The following SACS variants were observed in gnomAD, a reference collection of about 807,000 sequenced individuals.
SACS encodes the protein sacsin.
A neutral mutation model predicts 348.0 loss-of-function variants in SACS; 197 were observed. The ratio of observed to expected loss-of-function variants is 0.57; its 90% CI spans 0.50 to 0.64. SACS has a LOEUF of 0.64. Among genes scored for constraint, SACS ranks in the 30% least tolerant of loss-of-function variants. SACS has a pLI of 0.00. For synonymous variants in SACS, 1,985 were observed against 1,910.6 expected, an observed-to-expected ratio of 1.04 and a Z score of -1.02; for missense variants, 4,999 against 5,360.8, an observed-to-expected ratio of 0.93 and a Z score of 2.11.
At chr13:23,429,453 C>T (rs927417860) in intron 1 of SACS, among the ~76,000 whole-genome samples, 5 of 147,236 alleles carry the variant, frequency 3.4e-5, no homozygotes, top group African/African-American at 1.3e-4. Context: ...AGCTCCGCCT[C>T]CCGGGTTCAC....
chr13:23,363,627 G>T (rs1212243510), intron 6 of SACS, among the ~76,000 whole-genome samples: 1 of 152,158 alleles, frequency 6.6e-6, no homozygotes, highest in Non-Finnish European at 1.5e-5. Flanking sequence ...TTAAAACAAG[G>T]TGAAGTCAAG....
At chr13:23,359,654 T>C (rs984688648) in intron 6 of SACS, among the ~76,000 whole-genome samples, 19 of 152,236 alleles carry the variant, frequency 1.2e-4, no homozygotes, top group African/African-American at 4.3e-4. Flanking sequence ...TCTTTGAATA[T>C]ATTCAACTAT....
chr13:23,380,122 C>CGTGTGTGTGTGTGTGTGTGTGT (rs34243922), intron 2 of SACS, among the ~76,000 whole-genome samples: 8 of 116,490 alleles, frequency 6.9e-5, no homozygotes, highest in East Asian at 5.6e-4. Flanking sequence ...GGGATTCCCT[C>CGTGTGTGTGTGTGTGTGTGTGT]GTGTGTGTGT....
chr13:23,370,879 C>T (rs1041299408), intron 4 of SACS, among the ~76,000 whole-genome samples, 199 bp downstream of exon 4: 9 of 152,266 alleles, frequency 5.9e-5, no homozygotes, highest in African/African-American at 1.9e-4. Flanking sequence ...ACGAGAATCA[C>T]TTGAACAGAG....
In SACS at chr13:23,329,190, AC is replaced by A. The variant is rs2137542322; in HGVS notation, c.*945del. 2.3e-6 allele frequency: 1 copy of A among 441,352 alleles called. No individual in the cohort carries two copies. Among genetic ancestry groups the A allele is most frequent in the South Asian group, 4.9e-5 (1 of 20,510 alleles). 27.3% of individuals were successfully genotyped at this position (441,352 alleles called of 1,614,324 possible). A position where few individuals can be genotyped will look rare whatever the true frequency, so the allele number is the denominator to read the frequency against. On this transcript the variant is annotated 3_prime_UTR_variant, in exon 10 of 10. Coordinates refer to ENST00000382292, the MANE Select transcript of SACS (RefSeq NM_014363.6). ...ACTACTAGATAACACAATGATTTTA[AC>A]AATTTTTGATGTTTTTAAAGTTAAA...
At chr13:23,349,501 A>C (rs1869821845) in intron 9 of SACS, among the ~76,000 whole-genome samples, 2 of 152,204 alleles carry the variant, frequency 1.3e-5, no homozygotes, top group South Asian at 4.1e-4. Context: ...TATTATGTTA[A>C]ACTATATGTA....
chr13:23,357,618 ACAGT>A (rs1341085601), intron 7 of SACS, among the ~76,000 whole-genome samples: 1 of 152,206 alleles, frequency 6.6e-6, no homozygotes, highest in Non-Finnish European at 1.5e-5. Context: ...CCTGCAAGAC[ACAGT>A]TTGAAACTAA....
In SACS at chr13:23,341,483, T is replaced by C; in HGVS notation, c.2393A>G (p.Asp798Gly). ...AGTTCTGGGGATAAGTGGCATCTCA[T>C]CAAATAAAGTCAAATCCTCTGAAAA... is the stretch of plus-strand genomic sequence containing the variant. ...IHFSEDLTLFDEMPLIPRTIL... is the reference protein window; with the variant it reads ...IHFSEDLTLFGEMPLIPRTIL... Residue 798 changes from aspartate to glycine, a missense_variant, in exon 10 of 10, where the codon GAT (aspartate) becomes GGT (glycine). By Grantham distance (94) the Asp-to-Gly change is moderately conservative (BLOSUM62 -1). This residue lies in a region of SACS where 3,156 missense variants were observed against 3,380.1 expected (regional missense o/e 0.93). Coordinates refer to ENST00000382292, the MANE Select transcript of SACS (RefSeq NM_014363.6). 1 of 1,614,028 alleles carries C rather than the reference T, an allele frequency of 6.2e-7. No homozygotes were observed. Among genetic ancestry groups the C allele is most frequent in the Non-Finnish European group, 8.5e-7 (1 of 1,179,974 alleles).
At chr13:23,383,068 T>C (rs543185831) in intron 2 of SACS, among the ~76,000 whole-genome samples, 8 of 152,154 alleles carry the variant, frequency 5.3e-5, no homozygotes, top group South Asian at 4.2e-4. Context: ...ATGTGTATGT[T>C]TGGGTTTTAA....
At chr13:23,371,256 A>G in intron 3 of SACS, 91 bp from the exon 4 acceptor site, 1 of 630,834 alleles carries the variant, frequency 1.6e-6, no homozygotes, top group Non-Finnish European at 2.6e-6. Context: ...TCACTTAAGT[A>G]ATGCTTGTTA....
At chr13:23,399,024 A>AAAAAAAAAAC (rs1872836881) in intron 2 of SACS, among the ~76,000 whole-genome samples, 1 of 146,454 alleles carries the variant, frequency 6.8e-6, no homozygotes, top group Non-Finnish European at 1.5e-5. Context: ...CATCTCAAAA[A>AAAAAAAAAAC]AAAAAAAAAA....
At position 23,393,738 on chromosome 13, in the gene SACS, T is replaced by G. The variant is rs567374961; in HGVS notation, c.20+17482A>C. Among the ~76,000 whole-genome samples, 3 of 152,234 alleles carry G rather than the reference T, an allele frequency of 2.0e-5. No homozygotes were observed. The South Asian group carries it at 6.2e-4, about 32-fold the overall frequency. ...AGAGCCCCTTTTGGCCCTACCTCAG[T>G]ATTCTTGGTATTCTTTTTTTTATTT... is the stretch of plus-strand genomic sequence containing the variant. On this transcript the variant is annotated intron_variant, in intron 2 of 9. Transcript: ENST00000382292.
chr13:23,397,095 C>A (rs1272638180), intron 2 of SACS, among the ~76,000 whole-genome samples: 1 of 152,100 alleles, frequency 6.6e-6, no homozygotes, highest in African/African-American at 2.4e-5. Context: ...TAGCCTTCTA[C>A]AGAATGCTGG....
intron 3 of SACS, among the ~76,000 whole-genome samples, chr13:23,373,271 T>C (rs1473693052): frequency 6.6e-6 from 1 of 152,080 alleles, no homozygotes; most frequent in Non-Finnish European, 1.5e-5. Flanking sequence ...TCAATCAGCC[T>C]CTCCAACTGC....
At chr13:23,379,849 T>C (rs544336744) in intron 2 of SACS, among the ~76,000 whole-genome samples, 5 of 152,334 alleles carry the variant, frequency 3.3e-5, no homozygotes, top group Admixed American at 2.6e-4. Context: ...TTGTCTTCTA[T>C]GAACAGGGCT....
chr13:23,416,900 A>G (rs114791084), intron 1 of SACS, among the ~76,000 whole-genome samples: 2 of 152,274 alleles, frequency 1.3e-5, no homozygotes, highest in African/African-American at 4.8e-5. Context: ...CAGAAAAAAC[A>G]AAGAGGAACA....
chr13:23,429,447 C>A (rs1874341748), intron 1 of SACS, among the ~76,000 whole-genome samples: 1 of 146,144 alleles, frequency 6.8e-6, no homozygotes, highest in Admixed American at 7.1e-5. Context: ...ACTGCAAGCT[C>A]CGCCTCCCGG....
rs756252903 is a variant in SACS, at chr13:23,332,100, C to T, written c.11776G>A (p.Asp3926Asn). 15 of 1,613,892 alleles carry T rather than the reference C, an allele frequency of 9.3e-6. No homozygotes were observed. The highest frequency in any genetic ancestry group is 5.0e-5 in the Admixed American group (3 of 59,984). The change falls in exon 10 of 10, where the codon GAT (aspartate) becomes AAT (asparagine). Residue 3926 changes from aspartate (D) to asparagine (N), a missense_variant. By Grantham distance (23) the Asp-to-Asn change is conservative (BLOSUM62 1). Coordinates refer to ENST00000382292, the MANE Select transcript of SACS (RefSeq NM_014363.6). ...ATTCTACTTTTATAATGTGGCGCAT[C>T]GTCAAACACTAAGATGCTTGACTTT... ...LVKSSILVFD[D>N]APHYKSRIQG...
In SACS at chr13:23,338,810, C is replaced by T; in HGVS notation, c.5066G>A (p.Ser1689Asn). Reference protein sequence around the residue: ...CGHRLIIFTQSVKSMYLKYLK... With the variant: ...CGHRLIIFTQNVKSMYLKYLK... ...GTACTTCAAATACATTGACTTTACA[C>T]TCTGAGTGAAAATGATAAGCCTGTG... Residue 1689 changes from serine (S) to asparagine (N), a missense_variant, in exon 10 of 10, where the codon AGT becomes AAT. Around this residue, in one of 6 missense-constraint regions of SACS, gnomAD observed 3,156 missense variants for 3,380.1 expected, o/e 0.93. Coordinates refer to ENST00000382292, the MANE Select transcript of SACS (RefSeq NM_014363.6). 1 of 1,612,986 alleles carries T rather than the reference C, an allele frequency of 6.2e-7. No homozygotes were observed. The highest frequency in any genetic ancestry group is 8.5e-7 in the Non-Finnish European group (1 of 1,179,900).
Sources: allele counts gnomAD v4.1 joint callset (sites outside exome capture counted in the v4.1 genomes callset), GRCh38; gene constraint gnomAD v4.1.1; regional missense constraint gnomAD v4.1.1; transcripts MANE v1.5; gene names NCBI Gene and HGNC (gene_info 2026-07-23, HGNC 2026-07-21).